The following FAT4 variants were observed in gnomAD, a reference collection of about 807,000 sequenced individuals.
The protein encoded by FAT4 is protocadherin Fat 4.
A neutral mutation model predicts 303.9 loss-of-function variants in FAT4; 84 were observed. The ratio of observed to expected loss-of-function variants is 0.28; its 90% confidence interval spans 0.23 to 0.33. FAT4 has a LOEUF of 0.33. Among genes scored for constraint, FAT4 ranks in the 10% least tolerant of loss-of-function variants. The pLI is 1.00. For synonymous variants in FAT4, 2,307 were observed against 2,298.8 expected, an observed-to-expected ratio of 1.00 and a Z score of -0.10; for missense variants, 6,005 against 6,146.8, an observed-to-expected ratio of 0.98 and a Z score of 0.77.
rs752365290 is a variant in FAT4, at chr4:125,490,555, A to G, written c.13739A>G (p.Asn4580Ser). The G allele has an allele frequency of 4.3e-6, 7 of 1,613,988 alleles. No homozygotes were observed. The South Asian group carries it at 7.7e-5, about 18-fold the overall frequency. Reference protein sequence around the residue: ...DMTVRKQPEGNPKPDIIEREN... With the variant: ...DMTVRKQPEGSPKPDIIEREN... ...ACTGTGAGGAAGCAGCCTGAAGGGAACCCAAAACCAGATATCATTGAAAGG... is the reference window on the plus strand; with the variant it reads ...ACTGTGAGGAAGCAGCCTGAAGGGAGCCCAAAACCAGATATCATTGAAAGG... The change falls in exon 18 of 18, where the codon AAC becomes AGC. Residue 4580 changes from asparagine (N) to serine (S), a missense_variant. Transcript: ENST00000394329.
chr4:125,425,503 T>C (rs767502966), intron 7 of FAT4, among the ~76,000 whole-genome samples: 14 of 152,160 alleles, frequency 9.2e-5, no homozygotes, highest in Non-Finnish European at 2.1e-4. Context: ...TGTGGTTCTC[T>C]CTAAGTAAAA....
Position 125,487,460 on chromosome 4 carries a change from A to G in FAT4, c.12938A>G (p.Lys4313Arg). ...DGHWHTFLIG[K>R]NGTATVLSVD... is the part of the protein sequence containing the mutation. The stretch of plus-strand genomic sequence containing the variant: ...CACTGGCACACTTTTCTAATTGGGA[A>G]AAATGGAACAGCAACAGTATTGTCT... The change falls in exon 17 of 18, where the codon AAA (lysine) becomes AGA (arginine). Residue 4313 changes from lysine (K) to arginine (R), a missense_variant. Physicochemically the swap from Lys to Arg is conservative, Grantham distance 26 (BLOSUM62 2). Coordinates refer to ENST00000394329, the MANE Select transcript of FAT4 (RefSeq NM_001291303.3). 6 of 1,614,154 alleles carry G rather than the reference A, an allele frequency of 3.7e-6. No homozygotes were observed. Among genetic ancestry groups the G allele is most frequent in the Non-Finnish European group, 5.1e-6 (6 of 1,179,988 alleles).
At position 125,434,291 on chromosome 4, in the gene FAT4, T is replaced by G. The variant is rs1375235482; in HGVS notation, c.7065T>G (p.Asp2355Glu). ...TGTGTINVIV[D>E]DVNDNVPTFA... is the part of the protein sequence containing the mutation. ...CTGGAACAATCAACGTCATAGTAGATGATGTCAATGACAATGTCCCCACAT... is the reference window on the plus strand; with the variant it reads ...CTGGAACAATCAACGTCATAGTAGAGGATGTCAATGACAATGTCCCCACAT... The change falls in exon 8 of 18, where the codon GAT becomes GAG. Residue 2355 changes from aspartate to glutamate, a missense_variant. By Grantham distance (45) the Asp-to-Glu change is conservative. Coordinates refer to ENST00000394329, the MANE Select transcript of FAT4 (RefSeq NM_001291303.3). 6.2e-7 allele frequency: 1 copy of G among 1,614,062 alleles called. No homozygotes were observed. Among genetic ancestry groups the G allele is most frequent in the South Asian group, 1.1e-5 (1 of 91,074 alleles).
In FAT4 at chr4:125,398,841, C is replaced by G. The variant is rs1159175638; in HGVS notation, c.5233C>G (p.Leu1745Val). The stretch of plus-strand genomic sequence containing the variant: ...TCCACCAGTATTTCCAACGGACATG[C>G]TGGATCTCACGGTAGAGGAGAACAT... The part of the protein sequence containing the change: ...DNPPVFPTDM[L>V]DLTVEENIGD... Residue 1745 changes from leucine to valine, a missense_variant, in exon 3 of 18, where the codon CTG (leucine) becomes GTG (valine). Transcript: ENST00000394329. 3 of 1,613,078 alleles carry G rather than the reference C, an allele frequency of 1.9e-6. No homozygotes were observed. The highest frequency in any genetic ancestry group is 2.5e-6 in the Non-Finnish European group (3 of 1,179,206).
chr4:125,384,760 G>A (rs1912043), intron 2 of FAT4, among the ~76,000 whole-genome samples: 144,576 of 151,828 alleles, frequency 0.95, 69,218 homozygotes, highest in East Asian at 1. Context: ...TTAGGTGACT[G>A]TGCTTCTACT....
rs540897352 is a variant in FAT4 at position 125,320,746 on chromosome 4, T to A, written c.4335T>A (p.His1445Gln). The A allele has an allele frequency of 6.2e-7, 1 of 1,614,206 alleles. No individual in the cohort carries two copies. Among genetic ancestry groups the A allele is most frequent in the African/African-American group, 1.3e-5 (1 of 75,072 alleles). Reference protein sequence around the residue: ...IGTSVISVTAHDPDADINGQL... With the variant: ...IGTSVISVTAQDPDADINGQL... ...CATCTGTCATTTCAGTGACTGCACA[T>A]GACCCTGATGCAGACATTAATGGTC... Residue 1445 changes from histidine to glutamine, a missense_variant, in exon 2 of 18, where the codon CAT becomes CAA. Transcript: ENST00000394329.
At chr4:125,366,305 T>C (rs1437117529) in intron 2 of FAT4, among the ~76,000 whole-genome samples, 17 of 152,194 alleles carry the variant, frequency 1.1e-4, no homozygotes, top group Non-Finnish European at 1.5e-5. Context: ...TATGTGTTTA[T>C]ATGTTCTCCT....
intron 2 of FAT4, among the ~76,000 whole-genome samples, chr4:125,328,805 GA>G (rs1731261622): frequency 6.6e-6 from 1 of 152,142 alleles, no homozygotes; most frequent in Non-Finnish European, 1.5e-5. Context: ...GTTTATGGTG[GA>G]AGCAGGATTT....
chr4:125,487,285 A>G, intron 16 of FAT4, 60 bp from the exon 17 acceptor site: 1 of 1,509,740 alleles, frequency 6.6e-7, no homozygotes, highest in Non-Finnish European at 9.0e-7. Context: ...AGTTTTGTTA[A>G]TGATTTTTAT....
At chr4:125,368,423 A>C (rs1273943280) in intron 2 of FAT4, among the ~76,000 whole-genome samples, 1 of 150,886 alleles carries the variant, frequency 6.6e-6, no homozygotes, top group Non-Finnish European at 1.5e-5. Context: ...AATTGAGCCA[A>C]TGTGCCTGAC....
intron 10 of FAT4, among the ~76,000 whole-genome samples, chr4:125,455,786 T>G (rs771094306): frequency 2.2e-4 from 34 of 152,224 alleles, no homozygotes; most frequent in Non-Finnish European, 2.9e-5. Flanking sequence ...CTATTAATAC[T>G]TAATCCTCAC....
intron 8 of FAT4, among the ~76,000 whole-genome samples, chr4:125,440,614 A>T (rs984232677): frequency 5.1e-4 from 50 of 97,886 alleles, no homozygotes; most frequent in African/African-American, 2.2e-3. Flanking sequence ...TGTGTGTGAG[A>T]GAGAGAGAGA....
chr4:125,472,245 G>A (rs1018804902), intron 12 of FAT4, among the ~76,000 whole-genome samples: 1 of 151,982 alleles, frequency 6.6e-6, no homozygotes, highest in African/African-American at 2.4e-5. Flanking sequence ...GATTATAATT[G>A]TATTTCTGAC....
At chr4:125,323,933 C>A (rs1007912840) in intron 2 of FAT4, among the ~76,000 whole-genome samples, 1 of 152,112 alleles carries the variant, frequency 6.6e-6, no homozygotes, top group Admixed American at 6.6e-5. Flanking sequence ...AGAGAGTCAG[C>A]GGGTAAAAGA....
chr4:125,452,007 G>A lies in FAT4; in HGVS notation c.10997G>A (p.Gly3666Asp), dbSNP rs749347885. The A allele has an allele frequency of 3.1e-6, 5 of 1,613,954 alleles. No homozygotes were observed. Among genetic ancestry groups the A allele is most frequent in the Non-Finnish European group, 4.2e-6 (5 of 1,180,026 alleles). ...GVTSLFSIPGGTCDLNSQPRS... is the reference protein window; with the variant it reads ...GVTSLFSIPGDTCDLNSQPRS... ...ACCAGCCTCTTCAGTATTCCAGGGGGTACTTGTGATCTGAATTCCCAGCCA... is the reference window on the plus strand; with the variant it reads ...ACCAGCCTCTTCAGTATTCCAGGGGATACTTGTGATCTGAATTCCCAGCCA... Residue 3666 changes from glycine to aspartate, a missense_variant, in exon 10 of 18, where the codon GGT (glycine) becomes GAT (aspartate). Physicochemically the swap from Gly to Asp is moderately conservative, Grantham distance 94. Transcript: ENST00000394329.
At chr4:125,360,979 ATTTT>A (rs1299685176) in intron 2 of FAT4, among the ~76,000 whole-genome samples, 2 of 134,136 alleles carry the variant, frequency 1.5e-5, no homozygotes, top group African/African-American at 2.7e-5. Flanking sequence ...ATTATTATTT[ATTTT>A]ATTTATTTAT....
At chr4:125,469,785 A>G (rs185216100) in intron 12 of FAT4, among the ~76,000 whole-genome samples, 53 of 152,276 alleles carry the variant, frequency 3.5e-4, no homozygotes, top group Middle Eastern at 6.8e-3. Context: ...AAGCTCATCC[A>G]TGAGAGTCAA....
At chr4:125,377,145 T>C (rs981290245) in intron 2 of FAT4, among the ~76,000 whole-genome samples, 28 of 152,122 alleles carry the variant, frequency 1.8e-4, no homozygotes, top group Non-Finnish European at 3.1e-4. Flanking sequence ...TAGACCTTTT[T>C]TCAATATTTT....
intron 7 of FAT4, among the ~76,000 whole-genome samples, chr4:125,424,787 G>A (rs763942574): frequency 6.6e-6 from 1 of 152,152 alleles, no homozygotes; most frequent in Admixed American, 6.6e-5. Context: ...ACATGATGCG[G>A]TTAAATTAAC....
Sources: gnomAD v4.1 joint callset for allele counts (sites outside exome capture counted in the v4.1 genomes callset) on GRCh38, gnomAD v4.1.1 for gene constraint, MANE v1.5 for transcripts, NCBI Gene and HGNC (gene_info 2026-07-23, HGNC 2026-07-21) for gene names.